PABPC4L: variants seen among roughly 807,000 people sequenced by gnomAD.
PABPC4L encodes poly(A) binding protein cytoplasmic 4 like.
For synonymous variants in PABPC4L, 169 were observed against 164.1 expected, an observed-to-expected ratio of 1.03 and a Z score of -0.23; for missense variants, 452 against 451.4, an observed-to-expected ratio of 1.00 and a Z score of -0.01.
the PABPC4L span, among the ~76,000 whole-genome samples, chr4:133,993,071 C>T: frequency 6.6e-6 from 1 of 152,136 alleles, no homozygotes; most frequent in Non-Finnish European, 1.5e-5. Flanking sequence ...CAATGCCATA[C>T]ATTAACATTT....
the PABPC4L span, among the ~76,000 whole-genome samples, chr4:134,144,534 A>AC: frequency 6.6e-6 from 1 of 151,456 alleles, no homozygotes; most frequent in South Asian, 2.1e-4. Context: ...ACAGAAAAAA[A>AC]TAAAACAGCT....
chr4:133,972,109 T>A, the PABPC4L span, among the ~76,000 whole-genome samples: 3 of 152,222 alleles, frequency 2.0e-5, no homozygotes, highest in African/African-American at 7.2e-5. Context: ...CCTAATTGAA[T>A]GCTAAGATCT....
At chr4:134,111,784 C>T in the PABPC4L span, among the ~76,000 whole-genome samples, 106,573 of 151,824 alleles carry the variant, frequency 0.7, 38,826 homozygotes, top group East Asian at 1. Context: ...CCTTCCACCA[C>T]GATTGTGAGG....
the PABPC4L span, among the ~76,000 whole-genome samples, chr4:134,031,172 A>C: frequency 6.6e-6 from 1 of 152,134 alleles, no homozygotes; most frequent in East Asian, 1.9e-4. Context: ...CTTATATCTT[A>C]AATCCCTGTT....
chr4:134,060,376 C>A, the PABPC4L span, among the ~76,000 whole-genome samples: 1 of 151,878 alleles, frequency 6.6e-6, no homozygotes, highest in East Asian at 2.0e-4. Flanking sequence ...ACTAAGGGAG[C>A]ACTTGTGCCA....
At chr4:134,143,026 C>T in the PABPC4L span, among the ~76,000 whole-genome samples, 3 of 151,418 alleles carry the variant, frequency 2.0e-5, no homozygotes, top group Admixed American at 6.6e-5. Context: ...TCACTGAACT[C>T]TTTACATGGC....
the PABPC4L span, among the ~76,000 whole-genome samples, chr4:134,017,309 G>GTACA: frequency 1.3e-5 from 2 of 152,066 alleles, no homozygotes; most frequent in Non-Finnish European, 2.9e-5. Context: ...ATGCTACAGG[G>GTACA]TACAGTCCAT....
the PABPC4L span, among the ~76,000 whole-genome samples, chr4:134,023,963 A>C: frequency 6.6e-6 from 1 of 152,174 alleles, no homozygotes; most frequent in Non-Finnish European, 1.5e-5. Context: ...TTTAAAAATA[A>C]ATTGATTTCA....
the PABPC4L span, among the ~76,000 whole-genome samples, chr4:133,951,647 C>G: frequency 6.6e-6 from 1 of 152,096 alleles, no homozygotes; most frequent in Non-Finnish European, 1.5e-5. Flanking sequence ...TCTACTGTTA[C>G]AAACATATGA....
At chr4:134,133,907 T>G in the PABPC4L span, among the ~76,000 whole-genome samples, 987 of 152,190 alleles carry the variant, frequency 6.5e-3, 10 homozygotes, top group African/African-American at 0.022. Flanking sequence ...TAGTTGTGCT[T>G]TTTATTAAGG....
the PABPC4L span, among the ~76,000 whole-genome samples, chr4:134,037,092 G>A: frequency 6.6e-6 from 1 of 151,490 alleles, no homozygotes; most frequent in African/African-American, 2.4e-5. Context: ...GATACCTCCA[G>A]ATTTATTATT....
chr4:134,123,235 G>C, the PABPC4L span, among the ~76,000 whole-genome samples: 2,121 of 152,084 alleles, frequency 0.014, 43 homozygotes, highest in African/African-American at 0.048. Flanking sequence ...CAACACACAT[G>C]TTTTCTCCAT....
the PABPC4L span, among the ~76,000 whole-genome samples, chr4:134,176,014 C>T: frequency 6.6e-6 from 1 of 152,064 alleles, no homozygotes; most frequent in Non-Finnish European, 1.5e-5. Flanking sequence ...TAAATTTCTA[C>T]GACTATTTTG....
At chr4:133,978,564 TG>T in the PABPC4L span, among the ~76,000 whole-genome samples, 1 of 151,996 alleles carries the variant, frequency 6.6e-6, no homozygotes, top group African/African-American at 2.4e-5. Flanking sequence ...TGTGTGTGTG[TG>T]TGTGTGTGTG....
At chr4:134,035,474 T>C in the PABPC4L span, among the ~76,000 whole-genome samples, 10 of 152,046 alleles carry the variant, frequency 6.6e-5, no homozygotes, top group Non-Finnish European at 1.2e-4. Flanking sequence ...ATTATAAAAA[T>C]TATTAAATCT....
chr4:134,015,560 A>C, the PABPC4L span, among the ~76,000 whole-genome samples: 3 of 152,094 alleles, frequency 2.0e-5, no homozygotes, highest in Non-Finnish European at 4.4e-5. Context: ...CCATTACTTC[A>C]GTTAAGCCCA....
the PABPC4L span, among the ~76,000 whole-genome samples, chr4:133,979,238 T>C: frequency 6.6e-6 from 1 of 152,172 alleles, no homozygotes; most frequent in Non-Finnish European, 1.5e-5. Context: ...AGTCTAATTC[T>C]TTCCATGTTA....
the PABPC4L span, among the ~76,000 whole-genome samples, chr4:134,190,126 T>G: frequency 2.0e-5 from 3 of 152,126 alleles, no homozygotes; most frequent in South Asian, 6.2e-4. Context: ...AGTTACAGTT[T>G]ATATTTTCCT....
chr4:134,148,957 A>C, the PABPC4L span, among the ~76,000 whole-genome samples: 85 of 152,212 alleles, frequency 5.6e-4, no homozygotes, highest in Admixed American at 4.6e-3. Context: ...AAAATTGCTC[A>C]AAAAAGCAAA....
Sources: gnomAD v4.1 joint callset for allele counts (sites outside exome capture counted in the v4.1 genomes callset) on GRCh38, gnomAD v4.1.1 for gene constraint, MANE v1.5 for transcripts, NCBI Gene and HGNC (gene_info 2026-07-23, HGNC 2026-07-21) for gene names.